PLEKHA5: variants seen among roughly 807,000 people sequenced by gnomAD.
The protein encoded by PLEKHA5 is pleckstrin homology domain containing A5, also known as pleckstrin homology domain-containing family A member 5.
In PLEKHA5, 55 loss-of-function variants were observed where a neutral mutation model predicts 181.9. That is an observed-to-expected ratio of 0.30 (90% confidence interval 0.24 to 0.38). The LOEUF (loss-of-function observed/expected upper bound fraction) is 0.38, where lower values mean the gene tolerates loss of function less well. PLEKHA5 is among the 10% of genes least tolerant of loss of function. PLEKHA5 has a pLI of 1.00. For synonymous variants in PLEKHA5, 535 were observed against 529.4 expected (o/e 1.01, Z -0.15); for missense variants, 1,432 against 1,549.5 (o/e 0.92, Z 1.27).
chr12:19,218,345 C>G (rs1317096860), intron 3 of PLEKHA5, among the ~76,000 whole-genome samples: 3 of 152,082 alleles, frequency 2.0e-5, no homozygotes, highest in African/African-American at 7.2e-5. Flanking sequence ...TGCCTAACTT[C>G]TAGCTCTTAA....
intron 15 of PLEKHA5, among the ~76,000 whole-genome samples, chr12:19,299,219 A>T (rs1440801445): frequency 1.3e-5 from 2 of 152,348 alleles, no homozygotes; most frequent in African/African-American, 4.8e-5. Context: ...AGTTAAACTG[A>T]TGACTTTAAA....
At chr12:19,245,945 G>A (rs914901251) in intron 3 of PLEKHA5, among the ~76,000 whole-genome samples, 2 of 149,410 alleles carry the variant, frequency 1.3e-5, no homozygotes, top group African/African-American at 4.9e-5. Flanking sequence ...CTTTCCGTAT[G>A]TGGTTTAAAG....
intron 24 of PLEKHA5, 83 bp downstream of exon 24, chr12:19,347,265 T>G (rs952365880): frequency 1.3e-6 from 1 of 777,614 alleles, no homozygotes; most frequent in Non-Finnish European, 1.9e-6. Context: ...CACTCAAACT[T>G]TTTTTTTATT....
At chr12:19,374,871 T>C (rs2095676012) in intron 31 of PLEKHA5, among the ~76,000 whole-genome samples, 2 of 147,798 alleles carry the variant, frequency 1.4e-5, no homozygotes, top group East Asian at 2.1e-4. Context: ...AGGAGAATTG[T>C]TGGAACCCAG....
intron 3 of PLEKHA5, chr12:19,152,302 C>T (rs1187716281): frequency 6.6e-6 from 1 of 152,142 alleles, no homozygotes; most frequent in African/African-American, 2.4e-5. Context: ...CACAAAGTTG[C>T]CTAATAGGCA....
At chr12:19,350,672 G>A (rs1158761375) in intron 25 of PLEKHA5, among the ~76,000 whole-genome samples, 1 of 152,012 alleles carries the variant, frequency 6.6e-6, no homozygotes. Context: ...GGGAGGCAGA[G>A]GCAGGAGAAT....
chr12:19,148,419 G>A (rs17505123), intron 3 of PLEKHA5, among the ~76,000 whole-genome samples: 10,037 of 152,300 alleles, frequency 0.066, 359 homozygotes, highest in South Asian at 0.11. Flanking sequence ...GCATGCTCAG[G>A]CACGTACTGC....
intron 3 of PLEKHA5, among the ~76,000 whole-genome samples, chr12:19,194,311 G>T (rs2052076138): frequency 6.6e-6 from 1 of 152,196 alleles, no homozygotes; most frequent in South Asian, 2.1e-4. Flanking sequence ...GTATTCCACT[G>T]TGTATATGCA....
In PLEKHA5 at chr12:19,283,558, G is replaced by A; in HGVS notation, c.1592G>A (p.Ser531Asn). ...QSTLPRHSTL[S>N]SPKTMVNISD... ...ACCCTCCCTCGACACAGTACTTTGA[G>A]TAGTCCCAAAACCATGGTAAATATT... Residue 531 changes from serine (S) to asparagine (N), a missense_variant, in exon 12 of 32, where the codon AGT (serine) becomes AAT (asparagine). Coordinates refer to ENST00000429027, the MANE Select transcript of PLEKHA5 (RefSeq NM_001256470.2). 1 of 1,614,170 alleles carries A rather than the reference G, an allele frequency of 6.2e-7. No individual in the cohort carries two copies. Among genetic ancestry groups the A allele is most frequent in the Non-Finnish European group, 8.5e-7 (1 of 1,180,022 alleles).
chr12:19,361,857 T>C, intron 29 of PLEKHA5, 151 bp downstream of exon 29: 1 of 665,074 alleles, frequency 1.5e-6, no homozygotes, highest in Non-Finnish European at 2.6e-6. Context: ...CCTCTTAAAC[T>C]ACACATTCCT....
At chr12:19,188,425 T>C (rs1398616531) in intron 3 of PLEKHA5, among the ~76,000 whole-genome samples, 1 of 152,240 alleles carries the variant, frequency 6.6e-6, no homozygotes, top group Non-Finnish European at 1.5e-5. Context: ...ACAAAAATTA[T>C]ACTTCTAGTG....
rs1555117577 is a variant in PLEKHA5, at chr12:19,231,604, A to ATG, written c.228-22335_228-22334insGT. Among the ~76,000 whole-genome samples the ATG allele has an allele frequency of 6.4e-5, 5 of 78,166 alleles. 1 individual carries two copies. Among genetic ancestry groups the ATG allele is most frequent in the South Asian group, 3.3e-4 (1 of 3,038 alleles). 51.3% of individuals were successfully genotyped at this position (78,166 alleles called of 152,430 possible). A position where few individuals can be genotyped will look rare whatever the true frequency, so the allele number is the denominator to read the frequency against. ...TATATATTTATATATGTACACATATATATATATAAATACTCATAAAGCTTG... is the reference window on the plus strand; with the variant it reads ...TATATATTTATATATGTACACATATATGTATATATAAATACTCATAAAGCTTG... On this transcript the variant is annotated intron_variant, in intron 3 of 31. Transcript: ENST00000429027.
At chr12:19,168,605 T>G (rs1268617933) in intron 3 of PLEKHA5, among the ~76,000 whole-genome samples, 2 of 152,196 alleles carry the variant, frequency 1.3e-5, no homozygotes, top group Non-Finnish European at 2.9e-5. Flanking sequence ...TTCTGCACCT[T>G]CCTATGCATT....
chr12:19,297,598 CG>C (rs1230604563), intron 15 of PLEKHA5, among the ~76,000 whole-genome samples: 20 of 142,386 alleles, frequency 1.4e-4, no homozygotes, highest in Non-Finnish European at 4.5e-5. Context: ...GTCCGCAGTC[CG>C]GCCTGGGCGA....
chr12:19,291,934 C>G (rs746835711), intron 15 of PLEKHA5, among the ~76,000 whole-genome samples: 1 of 152,124 alleles, frequency 6.6e-6, no homozygotes, highest in Non-Finnish European at 1.5e-5. Flanking sequence ...AAATTGAGGG[C>G]CTAAATTCTC....
chr12:19,321,314 A>G (rs776044245), intron 18 of PLEKHA5, among the ~76,000 whole-genome samples: 5 of 144,152 alleles, frequency 3.5e-5, no homozygotes, highest in East Asian at 2.0e-4. Flanking sequence ...TTTGCCATAC[A>G]TTCTTCACTC....
At chr12:19,238,818 A>G (rs554492117) in intron 3 of PLEKHA5, among the ~76,000 whole-genome samples, 6 of 149,858 alleles carry the variant, frequency 4.0e-5, no homozygotes, top group Non-Finnish European at 8.9e-5. Context: ...AAAAAAAAAA[A>G]AAGGAAGAGG....
rs576686903 is a variant in PLEKHA5, at chr12:19,359,329, T to G, written c.3349-83T>G. On this transcript the variant is annotated intron_variant, in intron 27 of 31. Coordinates refer to ENST00000429027, the MANE Select transcript of PLEKHA5 (RefSeq NM_001256470.2). ...TGAGTGGAGATCCAGCTTTGTTCTA[T>G]TTTGAGAATTAACAGGCACTATTTA... is the stretch of plus-strand genomic sequence containing the variant. The G allele has an allele frequency of 1.8e-5, 23 of 1,245,196 alleles. No homozygotes were observed. The African/African-American group carries it at 3.0e-4, about 16-fold the overall frequency. 77.1% of individuals were successfully genotyped at this position (1,245,196 alleles called of 1,614,324 possible).
intron 3 of PLEKHA5, among the ~76,000 whole-genome samples, chr12:19,142,229 C>T (rs888375933): frequency 6.6e-6 from 1 of 151,990 alleles, no homozygotes; most frequent in African/African-American, 2.4e-5. Context: ...ATTAGCTGGT[C>T]ATGGTGGTGT....
Sources: allele counts gnomAD v4.1 joint callset (sites outside exome capture counted in the v4.1 genomes callset), GRCh38; gene constraint gnomAD v4.1.1; transcripts MANE v1.5; gene names NCBI Gene and HGNC (gene_info 2026-07-23, HGNC 2026-07-21).